The following RAD51B variants were observed in gnomAD, a reference collection of about 807,000 sequenced individuals.
The protein encoded by RAD51B is RAD51 paralog B, also known as DNA repair protein RAD51 homolog 2.
Under a neutral mutation model 42.2 loss-of-function variants are expected in RAD51B, and 38 were observed. The observed-to-expected ratio is 0.90, with a 90% CI of 0.70 to 1.18. RAD51B has a LOEUF of 1.18. Ranked by LOEUF, RAD51B falls within the 50% of genes most tolerant of loss-of-function variation. The pLI is 0.00. For synonymous variants in RAD51B, 154 were observed against 145.2 expected (o/e 1.06, Z -0.43); for missense variants, 373 against 400.7 (o/e 0.93, Z 0.59).
At chr14:68,425,625 A>G (rs995421262) in intron 9 of RAD51B, among the ~76,000 whole-genome samples, 4 of 152,236 alleles carry the variant, frequency 2.6e-5, no homozygotes, top group Non-Finnish European at 5.9e-5. Context: ...ATTTCTGTTC[A>G]TTGTAAATTA....
intron 8 of RAD51B, among the ~76,000 whole-genome samples, chr14:68,373,590 G>A (rs914481906): frequency 1.3e-5 from 2 of 152,120 alleles, no homozygotes; most frequent in Non-Finnish European, 2.9e-5. Context: ...GACACAGGGA[G>A]GGGAACTTCA....
intron 8 of RAD51B, among the ~76,000 whole-genome samples, chr14:68,375,738 A>G (rs1455205532): frequency 6.6e-6 from 1 of 152,170 alleles, no homozygotes; most frequent in Non-Finnish European, 1.5e-5. Flanking sequence ...TTAATGAATC[A>G]GCTTATTTAA....
intron 7 of RAD51B, among the ~76,000 whole-genome samples, chr14:68,005,053 T>G (rs1315980779): frequency 2.4e-4 from 32 of 132,910 alleles, no homozygotes; most frequent in African/African-American, 7.8e-4. Flanking sequence ...GTGTTTTTTT[T>G]TTTTTTTTTT....
At chr14:68,222,296 G>A (rs570121919) in intron 7 of RAD51B, among the ~76,000 whole-genome samples, 1 of 152,148 alleles carries the variant, frequency 6.6e-6, no homozygotes, top group Non-Finnish European at 1.5e-5. Context: ...CAGTCAATGA[G>A]TATACAAGGA....
At chr14:68,420,536 A>G (rs754973590) in intron 9 of RAD51B, among the ~76,000 whole-genome samples, 10 of 152,282 alleles carry the variant, frequency 6.6e-5, no homozygotes, top group Middle Eastern at 3.4e-3. Flanking sequence ...CCCTTTTTAG[A>G]CCATATACGG....
chr14:68,314,745 A>G (rs1011969564), intron 8 of RAD51B, among the ~76,000 whole-genome samples: 1 of 152,168 alleles, frequency 6.6e-6, no homozygotes, highest in Non-Finnish European at 1.5e-5. Context: ...TCTGGCCCTT[A>G]TGACAGGCAA....
chr14:67,878,450 T>C (rs544542211), intron 5 of RAD51B, among the ~76,000 whole-genome samples: 1 of 152,310 alleles, frequency 6.6e-6, no homozygotes, highest in Non-Finnish European at 1.5e-5. Flanking sequence ...TTTCCTGGGC[T>C]ATAATTCTAT....
At chr14:68,405,443 T>TA (rs372092943) in intron 8 of RAD51B, among the ~76,000 whole-genome samples, 11 of 151,646 alleles carry the variant, frequency 7.3e-5, no homozygotes, top group African/African-American at 2.2e-4. Context: ...ACCCTTTCTC[T>TA]AAAAAAAAAT....
intron 10 of RAD51B, among the ~76,000 whole-genome samples, chr14:68,548,837 C>G (rs1888369332): frequency 1.3e-5 from 2 of 152,190 alleles, no homozygotes; most frequent in African/African-American, 4.8e-5. Context: ...CTGACCCCTT[C>G]TGAGCTCTCT....
chr14:68,578,781 C>T lies in RAD51B; in HGVS notation c.1037-15704C>T, dbSNP rs140812993. ...GCCCAGATCCATGTGCCTTCCAACA[C>T]GTGGCAGACAGAGAGGTGACAAGAC... On this transcript the variant is annotated intron_variant, in intron 10 of 10. Transcript: ENST00000487270. Among the ~76,000 whole-genome samples the T allele has an allele frequency of 3.0e-4, 45 of 152,324 alleles. 1 individual carries two copies. The East Asian group carries it at 5.2e-3, about 18-fold the overall frequency.
intron 5 of RAD51B, among the ~76,000 whole-genome samples, chr14:67,880,067 G>A (rs1047135224): frequency 5.3e-5 from 8 of 152,032 alleles, no homozygotes; most frequent in African/African-American, 1.9e-4. Context: ...ACTGTCTTAT[G>A]GAGTTCTAAA....
At chr14:68,387,027 A>G (rs2140002582) in intron 8 of RAD51B, 1 of 152,346 alleles carries the variant, frequency 6.6e-6, no homozygotes, top group Non-Finnish European at 1.5e-5. Context: ...TAAGTCACCA[A>G]GTGATTTGGG....
chr14:68,128,115 T>C (rs2077809901), intron 7 of RAD51B, among the ~76,000 whole-genome samples: 2 of 152,226 alleles, frequency 1.3e-5, no homozygotes. Context: ...CAAATGGCTT[T>C]TAAGAGAAAT....
At chr14:67,847,085 G>A (rs2041641796) in intron 4 of RAD51B, among the ~76,000 whole-genome samples, 1 of 152,114 alleles carries the variant, frequency 6.6e-6, no homozygotes, top group Admixed American at 6.5e-5. Flanking sequence ...GTCTTGGTGT[G>A]TGATAGCCCA....
At chr14:68,103,667 C>T (rs988725615) in intron 7 of RAD51B, among the ~76,000 whole-genome samples, 9 of 152,094 alleles carry the variant, frequency 5.9e-5, no homozygotes, top group Non-Finnish European at 1.3e-4. Context: ...GGAAGTCTCT[C>T]CAGATTTCAT....
At position 68,429,835 on chromosome 14, in the gene RAD51B, T is replaced by C. The variant is rs532321566; in HGVS notation, c.957+18308T>C. Among the ~76,000 whole-genome samples, 7 of 147,942 alleles carry C rather than the reference T, an allele frequency of 4.7e-5. No individual in the cohort carries two copies. The East Asian group carries it at 9.6e-4, about 20-fold the overall frequency. On this transcript the variant is annotated intron_variant, in intron 9 of 10. Coordinates refer to ENST00000471583, the MANE Select transcript of RAD51B (RefSeq NM_133510.4). ...GAAGTCCTTACCCATGCCTATGTCC[T>C]GAATGGTATTGCCTAGGTTTTCTTC...
intron 8 of RAD51B, among the ~76,000 whole-genome samples, chr14:68,372,789 A>G (rs768095872): frequency 6.6e-6 from 1 of 152,246 alleles, no homozygotes; most frequent in African/African-American, 2.4e-5. Context: ...CAGATTTTCA[A>G]TTAACCCTAG....
rs555658795 is a variant in RAD51B at position 68,213,021 on chromosome 14, T to C, written c.757-78863T>C. ...GACCTGATGGATGGACTAATGTCCA[T>C]CTGGAGAGGGGTCCTCAGGGTAAGC... On this transcript the variant is annotated intron_variant, in intron 7 of 10. Coordinates refer to ENST00000471583, the MANE Select transcript of RAD51B (RefSeq NM_133510.4). 3.3e-5 allele frequency among the ~76,000 whole-genome samples: 5 copies of C among 152,320 alleles called. No homozygotes were observed. In the East Asian group the frequency reaches 9.6e-4, roughly 29 times the overall value.
intron 7 of RAD51B, among the ~76,000 whole-genome samples, chr14:68,021,435 C>T (rs1006113084): frequency 1.3e-5 from 2 of 152,164 alleles, no homozygotes; most frequent in African/African-American, 4.8e-5. Context: ...TGTCATTTTC[C>T]CATATCTTCA....
Sources: allele counts gnomAD v4.1 joint callset (sites outside exome capture counted in the v4.1 genomes callset), GRCh38; gene constraint gnomAD v4.1.1; transcripts MANE v1.5; gene names NCBI Gene and HGNC (gene_info 2026-07-23, HGNC 2026-07-21).